CTNNA3: variants seen among roughly 807,000 people sequenced by gnomAD.
The protein encoded by CTNNA3 is catenin alpha 3.
CTNNA3 carries 76 observed loss-of-function variants against 95.7 expected under a neutral mutation model. The observed-to-expected ratio is 0.79, with a 90% CI of 0.66 to 0.96. The LOEUF (loss-of-function observed/expected upper bound fraction) is 0.96. Ranked by LOEUF, CTNNA3 falls within the 40% of genes least tolerant of loss-of-function variation. The pLI is 0.00. For missense variants in CTNNA3, 1,191 were observed against 1,089.8 expected (o/e 1.09, Z -1.31); for synonymous variants, 431 against 374.4 (o/e 1.15, Z -1.74).
Position 66,806,741 on chromosome 10 carries a change from G to C in CTNNA3, c.1048-31217C>G, listed in dbSNP as rs532466095. Reference sequence around the variant, plus strand: ...GGAAATATATCCATCTATATTTATAGAGAATGTGGCATATATGTGTGTGTG... The same window carrying C: ...GGAAATATATCCATCTATATTTATACAGAATGTGGCATATATGTGTGTGTG... On this transcript the variant is annotated intron_variant, in intron 7 of 17. Transcript: ENST00000433211. 2.2e-5 allele frequency among the ~76,000 whole-genome samples: 3 copies of C among 139,506 alleles called. No homozygotes were observed. In the East Asian group the frequency reaches 6.8e-4, roughly 31 times the overall value. The allele number at this position is 139,506 out of a possible 152,430, so 91.5% of individuals were successfully genotyped here.
chr10:66,022,610 C>T (rs1413425399), intron 15 of CTNNA3, among the ~76,000 whole-genome samples: 1 of 13,592 alleles, frequency 7.4e-5, no homozygotes, highest in Non-Finnish European at 1.6e-4. Flanking sequence ...CACACACACA[C>T]ACACACACAC....
chr10:66,872,093 T>C (rs1006630769), intron 7 of CTNNA3, among the ~76,000 whole-genome samples: 1 of 152,250 alleles, frequency 6.6e-6, no homozygotes, highest in Non-Finnish European at 1.5e-5. Context: ...AACATACTTT[T>C]AAAATGTCTA....
At chr10:67,449,175 T>G (rs1009251445) in intron 5 of CTNNA3, among the ~76,000 whole-genome samples, 1 of 151,840 alleles carries the variant, frequency 6.6e-6, no homozygotes, top group Non-Finnish European at 1.5e-5. Context: ...CTCAAAGAAA[T>G]GTGAGAAAAC....
At chr10:66,995,674 A>T (rs1342485056) in intron 7 of CTNNA3, among the ~76,000 whole-genome samples, 1 of 152,164 alleles carries the variant, frequency 6.6e-6, no homozygotes, top group Non-Finnish European at 1.5e-5. Context: ...ATGCCAGACA[A>T]CTAAGACTCA....
chr10:66,314,130 C>T (rs1481956173), intron 12 of CTNNA3, among the ~76,000 whole-genome samples: 2 of 152,144 alleles, frequency 1.3e-5, no homozygotes, highest in Non-Finnish European at 1.5e-5. Context: ...TCAGCAGGGG[C>T]CCCTGTTTCA....
intron 7 of CTNNA3, among the ~76,000 whole-genome samples, chr10:66,818,728 TGG>T (rs201366249): frequency 1.0e-5 from 1 of 98,554 alleles, no homozygotes; most frequent in African/African-American, 3.9e-5. Flanking sequence ...CTGTGTTTTG[TGG>T]GTTTTTTTCA....
intron 12 of CTNNA3, among the ~76,000 whole-genome samples, chr10:66,356,919 T>G (rs2092615523): frequency 6.6e-6 from 1 of 152,102 alleles, no homozygotes; most frequent in Non-Finnish European, 1.5e-5. Flanking sequence ...AATAATTAAT[T>G]TTTGAATTTT....
intron 9 of CTNNA3, among the ~76,000 whole-genome samples, chr10:66,659,914 T>C (rs1159249776): frequency 6.6e-6 from 1 of 152,136 alleles, no homozygotes; most frequent in Non-Finnish European, 1.5e-5. Context: ...CCCTAGGAGA[T>C]TTAATGAAAA....
chr10:67,173,876 C>G (rs1862123125), intron 7 of CTNNA3, among the ~76,000 whole-genome samples: 1 of 152,158 alleles, frequency 6.6e-6, no homozygotes, highest in Admixed American at 6.5e-5. Context: ...TGGAACAATC[C>G]ACAAAGTGAA....
At chr10:66,515,483 TC>T (rs1353144011) in intron 11 of CTNNA3, among the ~76,000 whole-genome samples, 1 of 152,032 alleles carries the variant, frequency 6.6e-6, no homozygotes, top group Admixed American at 6.6e-5. Flanking sequence ...TGTCAATTGA[TC>T]TACCTGACAA....
intron 17 of CTNNA3, among the ~76,000 whole-genome samples, chr10:65,957,857 G>A (rs1162037382): frequency 6.6e-6 from 1 of 152,018 alleles, no homozygotes; most frequent in Non-Finnish European, 1.5e-5. Context: ...TGACAATTAT[G>A]TGTCTTGGAA....
intron 15 of CTNNA3, among the ~76,000 whole-genome samples, chr10:66,025,882 A>G (rs1398773641): frequency 6.6e-6 from 1 of 152,220 alleles, no homozygotes; most frequent in Non-Finnish European, 1.5e-5. Context: ...AAAATATCCT[A>G]CATGACCAGG....
At chr10:66,253,760 G>A (rs973472380) in intron 13 of CTNNA3, among the ~76,000 whole-genome samples, 3 of 152,038 alleles carry the variant, frequency 2.0e-5, no homozygotes, top group African/African-American at 7.2e-5. Context: ...TTGGATGGGT[G>A]GGAAGTTAAT....
At chr10:67,363,868 T>C (rs553594895) in intron 5 of CTNNA3, among the ~76,000 whole-genome samples, 1 of 152,194 alleles carries the variant, frequency 6.6e-6, no homozygotes, top group South Asian at 2.1e-4. Context: ...GGACCAGACA[T>C]ATTCACAGCC....
At chr10:66,262,414 T>C (rs1486720311) in intron 13 of CTNNA3, among the ~76,000 whole-genome samples, 1 of 152,070 alleles carries the variant, frequency 6.6e-6, no homozygotes, top group Non-Finnish European at 1.5e-5. Context: ...TATTCTTTCA[T>C]GTTTTGCTTA....
At chr10:67,232,172 C>T (rs1298173761) in intron 5 of CTNNA3, among the ~76,000 whole-genome samples, 7 of 151,934 alleles carry the variant, frequency 4.6e-5, no homozygotes, top group South Asian at 2.1e-4. Context: ...GCCACAAAGA[C>T]ACTCCTCGAG....
intron 12 of CTNNA3, among the ~76,000 whole-genome samples, chr10:66,303,802 C>T (rs1460099883): frequency 6.6e-6 from 1 of 152,022 alleles, no homozygotes; most frequent in Non-Finnish European, 1.5e-5. Flanking sequence ...ACCGTGTTAG[C>T]CAGGATGGTC....
chr10:67,655,789 A>G (rs1474145424), intron 1 of CTNNA3, among the ~76,000 whole-genome samples: 1 of 152,070 alleles, frequency 6.6e-6, no homozygotes, highest in African/African-American at 2.4e-5. Flanking sequence ...TCTCAAAAAA[A>G]AAAAAAAAAA....
At chr10:66,799,042 A>G (rs7089541) in intron 7 of CTNNA3, among the ~76,000 whole-genome samples, 37,311 of 151,462 alleles carry the variant, frequency 0.25, 5,309 homozygotes, top group African/African-American at 0.4. Context: ...AGAAAAAACC[A>G]CATGGCTTAA....
Sources: gnomAD v4.1 joint callset for allele counts (sites outside exome capture counted in the v4.1 genomes callset) on GRCh38, gnomAD v4.1.1 for gene constraint, MANE v1.5 for transcripts, NCBI Gene and HGNC (gene_info 2026-07-23, HGNC 2026-07-21) for gene names.